ROBO2: variants seen among roughly 807,000 people sequenced by gnomAD.
ROBO2 encodes the protein roundabout guidance receptor 2, also known as roundabout homolog 2.
A neutral mutation model predicts 160.8 loss-of-function variants in ROBO2; 53 were observed. That is an observed-to-expected ratio of 0.33 (90% CI 0.26 to 0.41). The LOEUF is 0.41. Among genes scored for constraint, ROBO2 ranks in the 10% least tolerant of loss-of-function variants. The probability of loss-of-function intolerance (pLI) is 1.00; values close to 1 mark genes in which losing one functional copy is unlikely to be tolerated. For missense variants in ROBO2, 1,577 were observed against 1,722.4 expected, an observed-to-expected ratio of 0.92 and a Z score of 1.49; for synonymous variants, 664 against 611.7, an observed-to-expected ratio of 1.09 and a Z score of -1.26.
intron 2 of ROBO2, among the ~76,000 whole-genome samples, chr3:76,072,548 A>C (rs1190668539): frequency 6.6e-6 from 1 of 152,120 alleles, no homozygotes; most frequent in Non-Finnish European, 1.5e-5. Context: ...ACTTATACTA[A>C]ATTAAAGCTT....
chr3:76,439,156 T>C (rs891659982), intron 2 of ROBO2, among the ~76,000 whole-genome samples: 6 of 152,156 alleles, frequency 3.9e-5, no homozygotes, highest in African/African-American at 1.4e-4. Context: ...CTAGTAAATA[T>C]GTATTCAATG....
chr3:76,414,632 G>A (rs1376664946), intron 2 of ROBO2, among the ~76,000 whole-genome samples: 2 of 111,998 alleles, frequency 1.8e-5, no homozygotes, highest in African/African-American at 3.4e-5. Flanking sequence ...GGGGGGAGGG[G>A]GGAGGGATAG....
intron 2 of ROBO2, among the ~76,000 whole-genome samples, chr3:76,362,548 T>C (rs13084091): frequency 0.089 from 13,502 of 152,100 alleles, 651 homozygotes; most frequent in Non-Finnish European, 0.1. Flanking sequence ...TTGAATTGTC[T>C]TATTTATAAG....
At chr3:76,733,772 A>G (rs1163707540) in intron 2 of ROBO2, among the ~76,000 whole-genome samples, 2 of 152,172 alleles carry the variant, frequency 1.3e-5, no homozygotes, top group Non-Finnish European at 2.9e-5. Context: ...CCACTGTCTT[A>G]GTCAATTCAG....
At chr3:77,330,695 A>G (rs1237040613) in intron 2 of ROBO2, among the ~76,000 whole-genome samples, 1 of 152,168 alleles carries the variant, frequency 6.6e-6, no homozygotes, top group Non-Finnish European at 1.5e-5. Flanking sequence ...AACTCAAGAA[A>G]GAAAACTTTG....
At chr3:76,980,810 C>G (rs924936537) in intron 2 of ROBO2, among the ~76,000 whole-genome samples, 1 of 152,084 alleles carries the variant, frequency 6.6e-6, no homozygotes, top group Non-Finnish European at 1.5e-5. Context: ...TTTATTGTAT[C>G]AAGAAAACCC....
chr3:76,326,309 C>T (rs1278829951), intron 2 of ROBO2, among the ~76,000 whole-genome samples: 1 of 152,078 alleles, frequency 6.6e-6, no homozygotes, highest in East Asian at 1.9e-4. Flanking sequence ...TAAGAATAGT[C>T]ACTTTAGTTC....
intron 2 of ROBO2, among the ~76,000 whole-genome samples, chr3:76,529,179 T>TG (rs1338171172): frequency 6.6e-6 from 1 of 152,062 alleles, no homozygotes; most frequent in Non-Finnish European, 1.5e-5. Context: ...TTAGATAAGA[T>TG]GGTCAGGAAA....
In ROBO2 at chr3:76,810,943, A is replaced by C. The variant is rs141251933; in HGVS notation, c.110-287071A>C. On this transcript the variant is annotated intron_variant, in intron 2 of 26. Transcript: ENST00000487694. ...AAGATAATTTGGTTGTTTATTAATA[A>C]GATGCAAGTTACTTGCCTAATGAAC... Among the ~76,000 whole-genome samples, 264 of 152,286 alleles carry C rather than the reference A, an allele frequency of 1.7e-3. 1 individual carries two copies. Among genetic ancestry groups the C allele is most frequent in the Admixed American group, 4.0e-3 (61 of 15,278 alleles).
At chr3:76,692,253 C>G (rs2092818378) in intron 2 of ROBO2, among the ~76,000 whole-genome samples, 1 of 152,104 alleles carries the variant, frequency 6.6e-6, no homozygotes, top group African/African-American at 2.4e-5. Flanking sequence ...TAGTCATTTC[C>G]AAGGAAATTC....
chr3:76,724,946 C>T (rs2093525965), intron 2 of ROBO2, among the ~76,000 whole-genome samples: 1 of 152,044 alleles, frequency 6.6e-6, no homozygotes, highest in Non-Finnish European at 1.5e-5. Flanking sequence ...GGCTGCAATT[C>T]AGGGAACTCC....
rs142463836 is a variant in ROBO2, at chr3:76,080,556, T to G, written c.109+142954T>G. Among the ~76,000 whole-genome samples the G allele has an allele frequency of 4.2e-3, 641 of 152,346 alleles. 2 individuals carry two copies. Among genetic ancestry groups the G allele is most frequent in the Middle Eastern group, 0.027 (8 of 294 alleles). ...GACCCACTCTATTTGTTTAATCAAA[T>G]AACCACTAAATTGCTCTGAGGAGTT... On this transcript the variant is annotated intron_variant, in intron 2 of 26. Transcript: ENST00000487694.
At chr3:76,127,655 A>G (rs59487450) in intron 2 of ROBO2, among the ~76,000 whole-genome samples, 7,186 of 151,826 alleles carry the variant, frequency 0.047, 329 homozygotes, top group East Asian at 0.13. Context: ...AGCAACAGAA[A>G]ACCAATCTGT....
intron 2 of ROBO2, among the ~76,000 whole-genome samples, chr3:76,453,578 A>G (rs1168655811): frequency 6.6e-6 from 1 of 152,156 alleles, no homozygotes; most frequent in African/African-American, 2.4e-5. Context: ...TGGTTACTGT[A>G]GCCTTGTAGT....
intron 2 of ROBO2, among the ~76,000 whole-genome samples, chr3:76,345,121 G>A (rs1278326448): frequency 6.6e-6 from 1 of 152,062 alleles, no homozygotes; most frequent in East Asian, 1.9e-4. Context: ...TAATAAGCAA[G>A]GTTTTGGAGA....
chr3:76,779,532 CACTATTCT>C (rs2062494233), intron 2 of ROBO2, among the ~76,000 whole-genome samples: 1 of 150,884 alleles, frequency 6.6e-6, no homozygotes, highest in South Asian at 2.1e-4. Context: ...ACCTGACAAC[CACTATTCT>C]ACTATCTGCT....
chr3:75,937,891 ATGTG>A (rs369715198), intron 2 of ROBO2, among the ~76,000 whole-genome samples: 2 of 129,576 alleles, frequency 1.5e-5, no homozygotes, highest in Non-Finnish European at 3.3e-5. Context: ...TTATGAGGCT[ATGTG>A]TGTGTGTGTG....
chr3:76,359,704 C>A (rs1042467483), intron 2 of ROBO2, among the ~76,000 whole-genome samples: 2 of 151,886 alleles, frequency 1.3e-5, no homozygotes, highest in African/African-American at 4.8e-5. Flanking sequence ...TCTTGGTATT[C>A]ATATATTATA....
chr3:77,420,931 A>G (rs949524645), intron 2 of ROBO2, among the ~76,000 whole-genome samples: 1 of 152,140 alleles, frequency 6.6e-6, no homozygotes, highest in African/African-American at 2.4e-5. Context: ...TATGTTCCCA[A>G]TCCGACTAAT....
Sources: gnomAD v4.1 joint callset for allele counts (sites outside exome capture counted in the v4.1 genomes callset) on GRCh38, gnomAD v4.1.1 for gene constraint, MANE v1.5 for transcripts, NCBI Gene and HGNC (gene_info 2026-07-23, HGNC 2026-07-21) for gene names.